Variants in CNST observed in about 807,000 individuals in gnomAD.
CNST encodes the protein consortin, connexin sorting protein.
In CNST, 39 loss-of-function variants were observed where a neutral mutation model predicts 72.4. The ratio of observed to expected loss-of-function variants is 0.54; its 90% CI spans 0.42 to 0.70. The LOEUF (loss-of-function observed/expected upper bound fraction) is 0.70. CNST is among the 30% of genes least tolerant of loss of function. The probability of loss-of-function intolerance (pLI) is 0.00; values close to 1 mark genes in which losing one functional copy is unlikely to be tolerated. For synonymous variants in CNST, 332 were observed against 320.1 expected (o/e 1.04, Z -0.40); for missense variants, 871 against 868.5 (o/e 1.00, Z -0.04).
intron 1 of CNST, among the ~76,000 whole-genome samples, chr1:246,575,030 C>G (rs936156913): frequency 2.3e-4 from 35 of 150,604 alleles, no homozygotes; most frequent in Non-Finnish European, 3.0e-5. Flanking sequence ...GAGTCTCACT[C>G]TGTTGCCCAG....
At chr1:246,608,562 T>C (rs1314143338) in intron 2 of CNST, among the ~76,000 whole-genome samples, 1 of 152,240 alleles carries the variant, frequency 6.6e-6, no homozygotes, top group Admixed American at 6.5e-5. Context: ...TGATTGTGCC[T>C]TGATTAGAAA....
At chr1:246,589,347 G>T (rs1475690809) in intron 1 of CNST, among the ~76,000 whole-genome samples, 1 of 146,732 alleles carries the variant, frequency 6.8e-6, no homozygotes, top group Non-Finnish European at 1.5e-5. Context: ...TCCCACCTAT[G>T]AGTGAGAACA....
chr1:246,609,350 C>T (rs552298600), intron 2 of CNST, among the ~76,000 whole-genome samples: 5 of 152,168 alleles, frequency 3.3e-5, no homozygotes, highest in African/African-American at 1.2e-4. Context: ...CTGAGGCAGG[C>T]GGATCACCTG....
At chr1:246,626,271 G>T (rs140162660) in intron 3 of CNST, among the ~76,000 whole-genome samples, 1 of 149,706 alleles carries the variant, frequency 6.7e-6, no homozygotes, top group East Asian at 2.0e-4. Flanking sequence ...GGCTGGTCTC[G>T]AATTCCTGGC....
At chr1:246,627,685 C>T (rs1321377514) in intron 3 of CNST, among the ~76,000 whole-genome samples, 1 of 152,014 alleles carries the variant, frequency 6.6e-6, no homozygotes, top group Non-Finnish European at 1.5e-5. Context: ...GTATTTGACT[C>T]CTTAAAGCAT....
chr1:246,592,728 A>G (rs1308060641), intron 2 of CNST, among the ~76,000 whole-genome samples: 2 of 152,262 alleles, frequency 1.3e-5, no homozygotes, highest in Non-Finnish European at 2.9e-5. Flanking sequence ...AATAAAATAC[A>G]GGAACATATA....
At chr1:246,590,253 A>G (rs969998336) in intron 1 of CNST, among the ~76,000 whole-genome samples, 5 of 152,150 alleles carry the variant, frequency 3.3e-5, no homozygotes, top group Non-Finnish European at 5.9e-5. Flanking sequence ...TGGGGGCTAC[A>G]TGCATCAGCT....
At chr1:246,658,975 G>A (rs187048673) in intron 9 of CNST, among the ~76,000 whole-genome samples, 36 of 152,236 alleles carry the variant, frequency 2.4e-4, no homozygotes, top group African/African-American at 8.2e-4. Flanking sequence ...GAGGGTTTTT[G>A]GTTTTGTTTC....
At chr1:246,644,918 C>G (rs1375704338) in intron 8 of CNST, among the ~76,000 whole-genome samples, 2 of 152,178 alleles carry the variant, frequency 1.3e-5, no homozygotes, top group Non-Finnish European at 2.9e-5. Flanking sequence ...GAGGGGCAGA[C>G]AGCAAGCCCA....
intron 6 of CNST, among the ~76,000 whole-genome samples, chr1:246,640,592 A>G (rs1458351397): frequency 6.6e-6 from 1 of 152,236 alleles, no homozygotes; most frequent in Admixed American, 6.5e-5. Context: ...AATTCTCAAT[A>G]CAAAGGCTAA....
intron 1 of CNST, among the ~76,000 whole-genome samples, chr1:246,586,094 GATAT>G (rs1204155348): frequency 3.1e-5 from 4 of 130,702 alleles, no homozygotes; most frequent in African/African-American, 6.0e-5. Flanking sequence ...GAGAGGGGGA[GATAT>G]ATATATATAT....
At chr1:246,610,917 T>C (rs1298539842) in intron 2 of CNST, among the ~76,000 whole-genome samples, 4 of 152,196 alleles carry the variant, frequency 2.6e-5, no homozygotes, top group Non-Finnish European at 2.9e-5. Flanking sequence ...GTCTAGTTTA[T>C]GCCTCAACCG....
intron 6 of CNST, among the ~76,000 whole-genome samples, chr1:246,636,435 C>G (rs953596483): frequency 3.3e-5 from 5 of 152,098 alleles, no homozygotes; most frequent in African/African-American, 9.7e-5. Context: ...TGCGGGCTCC[C>G]CCGCATACCC....
chr1:246,586,141 GTA>G (rs1553370764), intron 1 of CNST, among the ~76,000 whole-genome samples: 9 of 145,136 alleles, frequency 6.2e-5, no homozygotes, highest in African/African-American at 1.0e-4. Context: ...GTGTGTGTGT[GTA>G]TATATTACTG....
At chr1:246,575,331 A>G (rs1203149615) in intron 1 of CNST, among the ~76,000 whole-genome samples, 1 of 152,222 alleles carries the variant, frequency 6.6e-6, no homozygotes, top group Non-Finnish European at 1.5e-5. Flanking sequence ...CCATCAACTG[A>G]TGAATAGATA....
chr1:246,586,071 C>G (rs1661161784), intron 1 of CNST, among the ~76,000 whole-genome samples: 1 of 142,740 alleles, frequency 7.0e-6, no homozygotes, highest in African/African-American at 2.7e-5. Flanking sequence ...CAAAGTGAGA[C>G]CATGTCTTGG....
intron 5 of CNST, 84 bp from the exon 6 acceptor site, chr1:246,634,389 T>A: frequency 1.4e-6 from 1 of 711,186 alleles, no homozygotes; most frequent in Non-Finnish European, 2.4e-6. Context: ...TCTTTATGAG[T>A]GGTGCTAGTT....
chr1:246,648,118 G>T (rs1666231752), intron 9 of CNST, 81 bp downstream of exon 9: 3 of 1,483,824 alleles, frequency 2.0e-6, no homozygotes, highest in Non-Finnish European at 2.7e-6. Flanking sequence ...CCTTGTTTTT[G>T]TAAGTTTTCC....
At chr1:246,632,056 T>C in intron 4 of CNST, 132 bp downstream of exon 4, 1 of 591,636 alleles carries the variant, frequency 1.7e-6, no homozygotes, top group Non-Finnish European at 3.0e-6. Context: ...GACAGTTGTA[T>C]GTACCCGTGT....
Sources: allele counts gnomAD v4.1 joint callset (sites outside exome capture counted in the v4.1 genomes callset), GRCh38; gene constraint gnomAD v4.1.1; transcripts MANE v1.5; gene names NCBI Gene and HGNC (gene_info 2026-07-23, HGNC 2026-07-21).